Variants in ARMH1 observed in about 807,000 individuals in gnomAD.
The protein encoded by ARMH1 is armadillo like helical domain containing 1, also known as armadillo-like helical domain containing protein 1.
A neutral mutation model predicts 50.2 loss-of-function variants in ARMH1; 34 were observed. The ratio of observed to expected loss-of-function variants is 0.68; its 90% CI spans 0.51 to 0.90. ARMH1 has a LOEUF of 0.90. ARMH1 is among the 40% of genes least tolerant of loss of function. The probability of loss-of-function intolerance (pLI) is 0.00; values close to 1 mark genes in which losing one functional copy is unlikely to be tolerated. For synonymous variants in ARMH1, 221 were observed against 224.2 expected, an observed-to-expected ratio of 0.99 and a Z score of 0.13; for missense variants, 538 against 553.9, an observed-to-expected ratio of 0.97 and a Z score of 0.29.
chr1:44,708,950 T>C (rs148082507), intron 6 of ARMH1, among the ~76,000 whole-genome samples: 37 of 152,308 alleles, frequency 2.4e-4, no homozygotes, highest in African/African-American at 8.9e-4. Context: ...ATATGCTCTC[T>C]ATCTTCCATT....
At chr1:44,721,908 G>C (rs543867979) in intron 6 of ARMH1, 1 of 152,200 alleles carries the variant, frequency 6.6e-6, no homozygotes, top group Non-Finnish European at 1.5e-5. Context: ...AGATCTGCCT[G>C]TTAGCCTTTT....
At chr1:44,699,161 G>A (rs1645939520) in intron 4 of ARMH1, among the ~76,000 whole-genome samples, 1 of 151,828 alleles carries the variant, frequency 6.6e-6, no homozygotes. Flanking sequence ...GCACGCACCT[G>A]TAATGGCAGC....
intron 6 of ARMH1, among the ~76,000 whole-genome samples, chr1:44,715,982 G>A (rs1646833819): frequency 6.6e-6 from 1 of 152,188 alleles, no homozygotes; most frequent in Admixed American, 6.5e-5. Context: ...GCTTCATGGG[G>A]CCTGAACTCT....
chr1:44,721,615 C>T (rs533745402), intron 6 of ARMH1, among the ~76,000 whole-genome samples: 8 of 152,034 alleles, frequency 5.3e-5, no homozygotes, highest in East Asian at 1.9e-4. Flanking sequence ...CAAAATTAGA[C>T]AGGCTTATGA....
intron 2 of ARMH1, among the ~76,000 whole-genome samples, chr1:44,692,104 C>G (rs1645677552): frequency 6.6e-6 from 1 of 152,128 alleles, no homozygotes. Context: ...AAACCCCTTC[C>G]TTGACCCATG....
intron 4 of ARMH1, among the ~76,000 whole-genome samples, chr1:44,699,417 T>C (rs928402645): frequency 2.0e-5 from 3 of 152,194 alleles, no homozygotes; most frequent in Non-Finnish European, 4.4e-5. Flanking sequence ...TCAGACAGTT[T>C]AGAGTCTGGT....
chr1:44,721,496 A>G (rs1481105460), intron 6 of ARMH1, among the ~76,000 whole-genome samples: 1 of 151,484 alleles, frequency 6.6e-6, no homozygotes, highest in Non-Finnish European at 1.5e-5. Flanking sequence ...CAGACTGTCA[A>G]AAACTAGGTT....
At chr1:44,677,879 T>A (rs1041826973) in intron 1 of ARMH1, among the ~76,000 whole-genome samples, 2 of 152,066 alleles carry the variant, frequency 1.3e-5, no homozygotes, top group Non-Finnish European at 2.9e-5. Context: ...GGAGGTGGAA[T>A]AAGGAACTGA....
At chr1:44,720,231 G>A (rs929631864) in intron 6 of ARMH1, among the ~76,000 whole-genome samples, 1 of 151,308 alleles carries the variant, frequency 6.6e-6, no homozygotes, top group Non-Finnish European at 1.5e-5. Flanking sequence ...GTTGGCCATG[G>A]GGTATACGGG....
At position 44,682,100 on chromosome 1, in the gene ARMH1, T is replaced by A. The variant is rs1557513292; in HGVS notation, c.-23+7227T>A. On this transcript the variant is annotated intron_variant, in intron 1 of 11. Coordinates refer to ENST00000535358, the MANE Select transcript of ARMH1 (RefSeq NM_001145636.2). This position sits in a 1 kb window ranked among gnomAD's most constrained non-coding sequence, Gnocchi z 4.5. ...CAGTGCTCGGCTCAGAGTTGGCACC[T>A]GGGAATCTGTTTAATTAACTAATGT... Among the ~76,000 whole-genome samples, 1 of 152,246 alleles carries A rather than the reference T, an allele frequency of 6.6e-6. No homozygotes were observed. The highest frequency in any genetic ancestry group is 1.5e-5 in the Non-Finnish European group (1 of 68,038).
At position 44,703,922 on chromosome 1, in the gene ARMH1, T is replaced by A. The variant is rs184342761; in HGVS notation, c.640-167T>A. On this transcript the variant is annotated intron_variant, in intron 5 of 11. Transcript: ENST00000535358. ...TTTGCATTTTTAGTAGAGACAGTGT[T>A]TCACTTTGTTAGCCAGGATGGTCTG... Among the ~76,000 whole-genome samples the A allele has an allele frequency of 2.5e-3, 386 of 151,520 alleles. 1 individual carries two copies. Among genetic ancestry groups the A allele is most frequent in the Non-Finnish European group, 4.0e-3 (274 of 67,832 alleles).
Position 44,683,082 on chromosome 1 carries a change from A to G in ARMH1, c.-22-6594A>G, listed in dbSNP as rs1395171486. On this transcript the variant is annotated intron_variant, in intron 1 of 11. Coordinates refer to ENST00000535358, the MANE Select transcript of ARMH1 (RefSeq NM_001145636.2). The surrounding 1 kb of genome is among the most constrained non-coding windows in gnomAD (Gnocchi z 4.2). ...AAATAGCGGCAGTGGAGGTGAAGAC[A>G]GACAGACTGATCTCAGGGAAATTTA... 6.6e-6 allele frequency among the ~76,000 whole-genome samples: 1 copy of G among 152,262 alleles called. No homozygotes were observed. The highest frequency in any genetic ancestry group is 1.5e-5 in the Non-Finnish European group (1 of 68,046).
At chr1:44,686,927 G>A (rs1014549734) in intron 1 of ARMH1, among the ~76,000 whole-genome samples, 12 of 150,914 alleles carry the variant, frequency 8.0e-5, no homozygotes, top group African/African-American at 1.7e-4. Context: ...ACTGCAGGCC[G>A]GGCAACATAG....
At position 44,725,456 on chromosome 1, in the gene ARMH1, C is replaced by T. The variant is rs1648157361; in HGVS notation, c.*53C>T. The stretch of plus-strand genomic sequence containing the variant: ...AAGGCTGCGGGGCAGGGAAGCCTGG[C>T]AAGAGGAAGGCGCCTGGGGTCAAGC... On this transcript the variant is annotated 3_prime_UTR_variant, in exon 12 of 12. Transcript: ENST00000535358. 5 of 1,530,644 alleles carry T rather than the reference C, an allele frequency of 3.3e-6. No homozygotes were observed. The highest frequency in any genetic ancestry group is 2.0e-5 in the Admixed American group (1 of 50,918). 94.8% of individuals were successfully genotyped at this position (1,530,644 alleles called of 1,614,324 possible). A position where few individuals can be genotyped will look rare whatever the true frequency, so the allele number is the denominator to read the frequency against.
At chr1:44,706,061 T>A (rs909805213) in intron 6 of ARMH1, among the ~76,000 whole-genome samples, 4 of 152,086 alleles carry the variant, frequency 2.6e-5, no homozygotes, top group African/African-American at 9.7e-5. Flanking sequence ...GAATGCCATG[T>A]AGGTAGGTGG....
intron 6 of ARMH1, among the ~76,000 whole-genome samples, chr1:44,717,236 G>A (rs1167033462): frequency 6.6e-6 from 1 of 152,172 alleles, no homozygotes; most frequent in Non-Finnish European, 1.5e-5. Context: ...AATGAAATGA[G>A]AAAAATGCCT....
intron 1 of ARMH1, chr1:44,684,560 G>A (rs766043255): frequency 6.6e-6 from 1 of 152,136 alleles, no homozygotes; most frequent in Non-Finnish European, 1.5e-5. Context: ...GCCAACAAGG[G>A]GAGCTTACCA....
chr1:44,690,800 T>G lies in ARMH1; in HGVS notation c.206+897T>G, dbSNP rs183570868. On this transcript the variant is annotated intron_variant, in intron 2 of 11. Transcript: ENST00000535358. ...TTCAAGTGATTCTCCTGCCTCAGCC[T>G]CCTGAGTAGCTGAGACTACAGCCAT... Among the ~76,000 whole-genome samples, 931 of 152,174 alleles carry G rather than the reference T, an allele frequency of 6.1e-3. 11 individuals carry two copies. The highest frequency in any genetic ancestry group is 0.021 in the African/African-American group (876 of 41,544).
intron 3 of ARMH1, 88 bp from the exon 4 acceptor site, chr1:44,697,975 A>G (rs12036630): frequency 0.021 from 23,278 of 1,098,828 alleles, 997 homozygotes; most frequent in African/African-American, 0.13. Context: ...CAAAGTATGT[A>G]AAGAGGGGAC....
Sources: allele counts gnomAD v4.1 joint callset (sites outside exome capture counted in the v4.1 genomes callset), GRCh38; gene constraint gnomAD v4.1.1; non-coding constraint Gnocchi (gnomAD v3.1); transcripts MANE v1.5; gene names NCBI Gene and HGNC (gene_info 2026-07-23, HGNC 2026-07-21).